The following DDX10 variants were observed in gnomAD, a reference collection of about 807,000 sequenced individuals.
The protein encoded by DDX10 is DEAD-box helicase 10.
A neutral mutation model predicts 104.3 loss-of-function variants in DDX10; 74 were observed. The observed-to-expected ratio is 0.71, with a 90% CI of 0.59 to 0.86. The LOEUF (loss-of-function observed/expected upper bound fraction) is 0.86, where lower values mean the gene tolerates loss of function less well. Ranked by LOEUF, DDX10 falls within the 40% of genes least tolerant of loss-of-function variation. DDX10 has a pLI of 0.00. For missense variants in DDX10, 952 were observed against 1,040.0 expected (o/e 0.92, Z 1.16); for synonymous variants, 351 against 353.4 (o/e 0.99, Z 0.08).
chr11:108,803,015 A>G (rs939921260), intron 13 of DDX10, among the ~76,000 whole-genome samples: 1 of 152,238 alleles, frequency 6.6e-6, no homozygotes, highest in Non-Finnish European at 1.5e-5. Context: ...AGAGAAGGCA[A>G]TTGGAATTGA....
intron 16 of DDX10, among the ~76,000 whole-genome samples, chr11:108,883,523 A>C (rs980419331): frequency 6.6e-6 from 1 of 152,074 alleles, no homozygotes; most frequent in Non-Finnish European, 1.5e-5. Flanking sequence ...AGATCTTCTT[A>C]TTAGTATGCA....
intron 10 of DDX10, among the ~76,000 whole-genome samples, chr11:108,708,439 G>A (rs1199558961): frequency 6.7e-6 from 1 of 148,758 alleles, no homozygotes; most frequent in Non-Finnish European, 1.5e-5. Flanking sequence ...ATATCTTGTT[G>A]GATTCAATGT....
intron 13 of DDX10, among the ~76,000 whole-genome samples, chr11:108,729,468 C>T (rs1453223949): frequency 6.6e-6 from 1 of 152,066 alleles, no homozygotes; most frequent in Non-Finnish European, 1.5e-5. Flanking sequence ...CTCACAAGTG[C>T]CTTTGATGCA....
intron 15 of DDX10, among the ~76,000 whole-genome samples, chr11:108,848,428 CTTAT>C (rs2134602394): frequency 6.6e-6 from 1 of 152,256 alleles, no homozygotes; most frequent in Non-Finnish European, 1.5e-5. Flanking sequence ...GTGAATGAAG[CTTAT>C]TTATATGAGA....
At chr11:108,754,461 A>C (rs1050946502) in intron 13 of DDX10, among the ~76,000 whole-genome samples, 16 of 152,210 alleles carry the variant, frequency 1.1e-4, no homozygotes, top group South Asian at 6.2e-4. Flanking sequence ...AGAAAATATT[A>C]GAACTTGTTT....
At chr11:108,926,944 A>G (rs781601032) in intron 17 of DDX10, among the ~76,000 whole-genome samples, 37 of 152,232 alleles carry the variant, frequency 2.4e-4, no homozygotes, top group Non-Finnish European at 4.3e-4. Flanking sequence ...TTTTATACAA[A>G]TAGGTGCCCA....
intron 16 of DDX10, among the ~76,000 whole-genome samples, chr11:108,874,819 C>T (rs117996717): frequency 0.027 from 4,117 of 152,140 alleles, 90 homozygotes; most frequent in Non-Finnish European, 0.041. Context: ...CTGTCAATGC[C>T]AGAATAACGG....
chr11:108,853,712 T>G (rs1467160558), intron 16 of DDX10, among the ~76,000 whole-genome samples: 1 of 152,148 alleles, frequency 6.6e-6, no homozygotes, highest in Non-Finnish European at 1.5e-5. Flanking sequence ...GCATTTTCAC[T>G]GGGGGTTGAT....
intron 13 of DDX10, among the ~76,000 whole-genome samples, chr11:108,726,681 C>T (rs1276902586): frequency 2.0e-5 from 3 of 151,650 alleles, no homozygotes; most frequent in African/African-American, 7.3e-5. Context: ...TTTCTTTTTT[C>T]TTTCTTTTTC....
intron 13 of DDX10, among the ~76,000 whole-genome samples, chr11:108,759,828 C>T (rs1229348230): frequency 6.6e-6 from 1 of 151,682 alleles, no homozygotes; most frequent in Non-Finnish European, 1.5e-5. Context: ...TGCTGCCTCC[C>T]CAGGTATATT....
intron 13 of DDX10, among the ~76,000 whole-genome samples, chr11:108,767,619 A>G (rs771190977): frequency 3.9e-4 from 59 of 152,278 alleles, no homozygotes; most frequent in East Asian, 3.3e-3. Context: ...AGATTCTGCT[A>G]TTTTATCCCT....
rs530091151 is a variant in DDX10, at chr11:108,859,147, C to T, written c.2304+6938C>T. On this transcript the variant is annotated intron_variant, in intron 16 of 17. Coordinates refer to ENST00000322536, the MANE Select transcript of DDX10 (RefSeq NM_004398.4). ...GGATTGCACTCCTTGACTCTGACCA[C>T]TGATGACTCTGCAGTGGGTGTTAAG... Among the ~76,000 whole-genome samples, 3 of 152,286 alleles carry T rather than the reference C, an allele frequency of 2.0e-5. No individual in the cohort carries two copies. In the South Asian group the frequency reaches 6.2e-4, roughly 32 times the overall value.
intron 17 of DDX10, chr11:108,920,922 G>T (rs985779961): frequency 2.6e-5 from 4 of 152,232 alleles, no homozygotes; most frequent in Non-Finnish European, 4.4e-5. Flanking sequence ...ATTGCCCACA[G>T]TTGAGAACAA....
chr11:108,764,341 T>C (rs572717872), intron 13 of DDX10, among the ~76,000 whole-genome samples: 15 of 152,212 alleles, frequency 9.9e-5, no homozygotes, highest in Non-Finnish European at 1.6e-4. Flanking sequence ...GGTTATTTTT[T>C]ATAAAATTCT....
At chr11:108,910,935 A>G (rs1300443290) in intron 16 of DDX10, among the ~76,000 whole-genome samples, 1 of 152,064 alleles carries the variant, frequency 6.6e-6, no homozygotes, top group African/African-American at 2.4e-5. Context: ...TATGAAGAGA[A>G]AGAAGCATGT....
At chr11:108,683,779 C>T (rs1478480572) in intron 6 of DDX10, among the ~76,000 whole-genome samples, 1 of 152,140 alleles carries the variant, frequency 6.6e-6, no homozygotes, top group Non-Finnish European at 1.5e-5. Context: ...TTCTGAGGTA[C>T]AGTTCTTACA....
At chr11:108,827,075 A>ACC (rs1443076310) in intron 13 of DDX10, among the ~76,000 whole-genome samples, 17 of 152,374 alleles carry the variant, frequency 1.1e-4, no homozygotes, top group African/African-American at 4.1e-4. Flanking sequence ...AAACTGCTAA[A>ACC]TTAATCTAAG....
At chr11:108,897,193 A>T (rs1863453243) in intron 16 of DDX10, among the ~76,000 whole-genome samples, 2 of 152,128 alleles carry the variant, frequency 1.3e-5, no homozygotes, top group African/African-American at 2.4e-5. Flanking sequence ...AAGATCCAGG[A>T]CCACCCCCAA....
chr11:108,768,273 C>T (rs1379159561), intron 13 of DDX10, among the ~76,000 whole-genome samples: 2 of 152,054 alleles, frequency 1.3e-5, no homozygotes, highest in Non-Finnish European at 2.9e-5. Context: ...GTTCAAGGGT[C>T]AGCTGTGTAT....
Sources: gnomAD v4.1 joint callset for allele counts (sites outside exome capture counted in the v4.1 genomes callset) on GRCh38, gnomAD v4.1.1 for gene constraint, MANE v1.5 for transcripts, NCBI Gene and HGNC (gene_info 2026-07-23, HGNC 2026-07-21) for gene names.